The following NOVA1 variants were observed in gnomAD, a reference collection of about 807,000 sequenced individuals.
The protein encoded by NOVA1 is NOVA alternative splicing regulator 1, also known as RNA-binding protein Nova-1.
In NOVA1, 7 loss-of-function variants were observed where a neutral mutation model predicts 38.0. The observed-to-expected ratio is 0.18, with a 90% confidence interval of 0.10 to 0.35. The LOEUF (loss-of-function observed/expected upper bound fraction) is 0.35, where lower values mean the gene tolerates loss of function less well. Ranked by LOEUF, NOVA1 falls within the 10% of genes least tolerant of loss-of-function variation. The probability of loss-of-function intolerance (pLI) is 1.00; values close to 1 mark genes in which losing one functional copy is unlikely to be tolerated. For missense variants in NOVA1, 460 were observed against 616.0 expected, an observed-to-expected ratio of 0.75 and a Z score of 2.68; for synonymous variants, 270 against 232.5, an observed-to-expected ratio of 1.16 and a Z score of -1.47.
At chr14:26,532,078 T>C (rs1889755999) in intron 2 of NOVA1, among the ~76,000 whole-genome samples, 3 of 152,172 alleles carry the variant, frequency 2.0e-5, no homozygotes, top group East Asian at 1.9e-4. Context: ...TCTGGACTAA[T>C]TGGAGAGCTC....
In NOVA1 at chr14:26,597,452, C is replaced by T; in HGVS notation, c.-16G>A. ...CCGCCATCATGTTTGCAGTTCCTGC[C>T]GCTGCTACCGGGAGAAGGTTCTCCC... On this transcript the variant is annotated 5_prime_UTR_variant, in exon 1 of 5. Coordinates refer to ENST00000539517, the MANE Select transcript of NOVA1 (RefSeq NM_002515.3). 11 of 1,287,684 alleles carry T rather than the reference C, an allele frequency of 8.5e-6. No homozygotes were observed. The highest frequency in any genetic ancestry group is 1.1e-5 in the Non-Finnish European group (11 of 1,010,924). 79.8% of individuals were successfully genotyped at this position (1,287,684 alleles called of 1,614,324 possible). A position where few individuals can be genotyped will look rare whatever the true frequency, so the allele number is the denominator to read the frequency against.
chr14:26,499,135 G>A (rs1037585954), intron 2 of NOVA1, among the ~76,000 whole-genome samples: 2 of 152,168 alleles, frequency 1.3e-5, no homozygotes, highest in Admixed American at 6.5e-5. Flanking sequence ...ATAGTGTATT[G>A]TTTTCAGGAC....
At chr14:26,490,634 C>T (rs1168968739) in intron 2 of NOVA1, among the ~76,000 whole-genome samples, 1 of 151,998 alleles carries the variant, frequency 6.6e-6, no homozygotes. Flanking sequence ...TGTATATTTT[C>T]TTTAGAGAAA....
intron 2 of NOVA1, among the ~76,000 whole-genome samples, chr14:26,500,823 T>G (rs948662569): frequency 1.8e-4 from 28 of 151,978 alleles, no homozygotes; most frequent in Non-Finnish European, 3.7e-4. Flanking sequence ...TCCCAAATAT[T>G]TGCCTAACAG....
chr14:26,453,204 G>GTATT (rs71433036), intron 4 of NOVA1, among the ~76,000 whole-genome samples: 70,799 of 109,294 alleles, frequency 0.65, 19,324 homozygotes, highest in Non-Finnish European at 0.71. Flanking sequence ...ATGTATGTAT[G>GTATT]TATGTATTTA....
At chr14:26,464,028 T>TA (rs1208545420) in intron 4 of NOVA1, among the ~76,000 whole-genome samples, 3 of 152,022 alleles carry the variant, frequency 2.0e-5, no homozygotes, top group Non-Finnish European at 4.4e-5. Flanking sequence ...CATGGCAAAA[T>TA]AAAAAAATGT....
At chr14:26,516,904 CTCT>C (rs1888508425) in intron 2 of NOVA1, among the ~76,000 whole-genome samples, 1 of 55,824 alleles carries the variant, frequency 1.8e-5, no homozygotes, top group African/African-American at 5.5e-5. Flanking sequence ...CTGACTTTGC[CTCT>C]TTTTTTTTTT....
At chr14:26,524,251 G>T (rs1380292887) in intron 2 of NOVA1, among the ~76,000 whole-genome samples, 1 of 152,138 alleles carries the variant, frequency 6.6e-6, no homozygotes, top group Non-Finnish European at 1.5e-5. Context: ...AAGCCAACCT[G>T]TTTGTGGATC....
In NOVA1 at chr14:26,484,427, C is replaced by CG. The variant is rs1566465911; in HGVS notation, c.281-4285dup. Among the ~76,000 whole-genome samples the CG allele has an allele frequency of 9.6e-4, 49 of 51,230 alleles. 1 individual carries two copies. The highest frequency in any genetic ancestry group is 3.9e-3 in the African/African-American group (45 of 11,576). The allele number at this position is 51,230 out of a possible 152,430, so 33.6% of individuals were successfully genotyped here. A position where few individuals can be genotyped will look rare whatever the true frequency, so the allele number is the denominator to read the frequency against. The stretch of plus-strand genomic sequence containing the variant: ...CTCCAGCCTGGGCGAGACTCCGTCT[C>CG]GAAAAAAAAAAAAAAAAAAAAAAAA... On this transcript the variant is annotated intron_variant, in intron 2 of 4. Coordinates refer to ENST00000539517, the MANE Select transcript of NOVA1 (RefSeq NM_002515.3).
chr14:26,550,910 ATTCT>A (rs1428929711), intron 2 of NOVA1, among the ~76,000 whole-genome samples: 2 of 152,054 alleles, frequency 1.3e-5, no homozygotes, highest in Non-Finnish European at 2.9e-5. Flanking sequence ...GCTTTCTTAA[ATTCT>A]TTCTATAATA....
At chr14:26,568,922 A>C (rs906275466) in intron 2 of NOVA1, among the ~76,000 whole-genome samples, 3 of 152,202 alleles carry the variant, frequency 2.0e-5, no homozygotes, top group Admixed American at 1.3e-4. Context: ...GCCTTCAAGC[A>C]GATTTTCAGC....
At chr14:26,474,092 G>C (rs1884793986) in intron 3 of NOVA1, among the ~76,000 whole-genome samples, 1 of 151,964 alleles carries the variant, frequency 6.6e-6, no homozygotes, top group Non-Finnish European at 1.5e-5. Flanking sequence ...TGTTACTACA[G>C]AGGATACCTG....
chr14:26,583,881 T>TCACACACACA (rs36218600), intron 2 of NOVA1, among the ~76,000 whole-genome samples: 18 of 146,032 alleles, frequency 1.2e-4, no homozygotes, highest in African/African-American at 4.6e-4. Context: ...AGCATCAAAT[T>TCACACACACA]CACACACACA....
intron 3 of NOVA1, chr14:26,479,662 A>G (rs1033046767): frequency 1.5e-5 from 5 of 334,664 alleles, no homozygotes; most frequent in South Asian, 2.9e-4. Context: ...TTATTTAAAA[A>G]GTGATATAAT....
chr14:26,517,033 G>A (rs892047878), intron 2 of NOVA1, among the ~76,000 whole-genome samples: 3 of 151,846 alleles, frequency 2.0e-5, no homozygotes, highest in East Asian at 3.9e-4. Context: ...AGCCTTCCGA[G>A]TAGCTGGGAC....
intron 3 of NOVA1, among the ~76,000 whole-genome samples, chr14:26,476,718 CTTT>C (rs1222564781): frequency 2.2e-5 from 3 of 139,190 alleles, no homozygotes; most frequent in Admixed American, 7.3e-5. Flanking sequence ...TTTTTCTTTT[CTTT>C]TTTTTTTTTT....
intron 2 of NOVA1, among the ~76,000 whole-genome samples, chr14:26,487,163 G>A (rs530318998): frequency 1.3e-5 from 2 of 152,168 alleles, no homozygotes; most frequent in Non-Finnish European, 2.9e-5. Context: ...TTTTCTAGTC[G>A]CAGCAATGTA....
chr14:26,561,763 T>C (rs1204921612), intron 2 of NOVA1, among the ~76,000 whole-genome samples: 1 of 152,200 alleles, frequency 6.6e-6, no homozygotes, highest in Non-Finnish European at 1.5e-5. Context: ...CTATTTATAA[T>C]GTTTAATACT....
intron 2 of NOVA1, among the ~76,000 whole-genome samples, chr14:26,491,906 A>G (rs1886377817): frequency 6.6e-6 from 1 of 151,920 alleles, no homozygotes; most frequent in Non-Finnish European, 1.5e-5. Flanking sequence ...TGTTTTATCT[A>G]TTCTAGGAAC....
Sources: gnomAD v4.1 joint callset for allele counts (sites outside exome capture counted in the v4.1 genomes callset) on GRCh38, gnomAD v4.1.1 for gene constraint, MANE v1.5 for transcripts, NCBI Gene and HGNC (gene_info 2026-07-23, HGNC 2026-07-21) for gene names.